CTNNA3: variants seen among roughly 807,000 people sequenced by gnomAD.
CTNNA3 encodes catenin alpha 3.
Under a neutral mutation model 95.7 loss-of-function variants are expected in CTNNA3, and 76 were observed. The ratio of observed to expected loss-of-function variants is 0.79; its 90% CI spans 0.66 to 0.96. The LOEUF is 0.96. Among genes scored for constraint, CTNNA3 ranks in the 40% least tolerant of loss-of-function variants. The probability of loss-of-function intolerance (pLI) is 0.00; values close to 1 mark genes in which losing one functional copy is unlikely to be tolerated. For missense variants in CTNNA3, 1,191 were observed against 1,089.8 expected (o/e 1.09, Z -1.31); for synonymous variants, 431 against 374.4 (o/e 1.15, Z -1.74).
At chr10:67,297,411 T>C (rs1212663698) in intron 5 of CTNNA3, among the ~76,000 whole-genome samples, 1 of 152,222 alleles carries the variant, frequency 6.6e-6, no homozygotes, top group Non-Finnish European at 1.5e-5. Flanking sequence ...AATTAACAAC[T>C]AGATGTAGTG....
intron 5 of CTNNA3, among the ~76,000 whole-genome samples, chr10:67,272,649 T>C (rs1839030317): frequency 6.6e-6 from 1 of 152,190 alleles, no homozygotes; most frequent in South Asian, 2.1e-4. Flanking sequence ...CAAACCATTT[T>C]AGCAGAAGAG....
At chr10:66,898,156 T>C (rs887333135) in intron 7 of CTNNA3, among the ~76,000 whole-genome samples, 1 of 152,314 alleles carries the variant, frequency 6.6e-6, no homozygotes. Flanking sequence ...TATGCAGTCA[T>C]AATGACATTT....
intron 7 of CTNNA3, among the ~76,000 whole-genome samples, chr10:66,952,456 C>T (rs550955824): frequency 1.7e-4 from 26 of 152,182 alleles, no homozygotes; most frequent in African/African-American, 5.8e-4. Flanking sequence ...GCCTTGGAGA[C>T]GATTCAGGGT....
intron 11 of CTNNA3, among the ~76,000 whole-genome samples, chr10:66,413,690 A>G (rs559652275): frequency 1.3e-5 from 2 of 152,328 alleles, no homozygotes; most frequent in East Asian, 1.9e-4. Flanking sequence ...GAGTCTTAAT[A>G]TTTCCTTAGA....
chr10:66,919,229 G>A (rs948863859), intron 7 of CTNNA3, among the ~76,000 whole-genome samples: 4 of 151,596 alleles, frequency 2.6e-5, no homozygotes, highest in African/African-American at 9.7e-5. Flanking sequence ...GAAGAGGTGT[G>A]AGTATCGACG....
In CTNNA3 at chr10:67,667,279, T is replaced by C. The variant is rs139946270; in HGVS notation, c.-5-19761A>G. 1.8e-3 allele frequency among the ~76,000 whole-genome samples: 278 copies of C among 152,224 alleles called. 4 individuals are homozygous for C. Among genetic ancestry groups the C allele is most frequent in the Admixed American group, 0.016 (248 of 15,292 alleles). On this transcript the variant is annotated intron_variant, in intron 1 of 17. Transcript: ENST00000433211. ...TTTATTTCACAACTTAACACTCACTTAGTGTGGAAAGACATGGACAGCAAT... is the reference window on the plus strand; with the variant it reads ...TTTATTTCACAACTTAACACTCACTCAGTGTGGAAAGACATGGACAGCAAT...
chr10:67,697,473 T>C (rs1840988532), upstream of CTNNA3, among the ~76,000 whole-genome samples: 2 of 152,218 alleles, frequency 1.3e-5, no homozygotes, highest in South Asian at 2.1e-4. Context: ...AATTCTATCA[T>C]AAGCCTAGCT....
chr10:66,906,578 A>T (rs1845994969), intron 7 of CTNNA3, among the ~76,000 whole-genome samples: 1 of 152,098 alleles, frequency 6.6e-6, no homozygotes, highest in South Asian at 2.1e-4. Flanking sequence ...GACTTATATT[A>T]ATCTACAATT....
chr10:67,158,783 G>A lies in CTNNA3; in HGVS notation c.1047+21534C>T, dbSNP rs552188016. On this transcript the variant is annotated intron_variant, in intron 7 of 17. Transcript: ENST00000433211. ...GATAAAAAGCTTCATCGCTATCTTAGTTCACCAAAATGCTTCAGCACAAGT... is the reference window on the plus strand; with the variant it reads ...GATAAAAAGCTTCATCGCTATCTTAATTCACCAAAATGCTTCAGCACAAGT... 2.6e-5 allele frequency among the ~76,000 whole-genome samples: 4 copies of A among 151,608 alleles called. No homozygotes were observed. The East Asian group carries it at 7.8e-4, about 29-fold the overall frequency.
intron 7 of CTNNA3, among the ~76,000 whole-genome samples, chr10:67,121,550 C>T (rs1589762373): frequency 6.6e-6 from 1 of 152,002 alleles, no homozygotes; most frequent in Non-Finnish European, 1.5e-5. Context: ...GCAAGATAAA[C>T]TACTTTAGTT....
At chr10:67,128,630 T>G (rs2132012606) in intron 7 of CTNNA3, among the ~76,000 whole-genome samples, 1 of 152,266 alleles carries the variant, frequency 6.6e-6, no homozygotes, top group South Asian at 2.1e-4. Flanking sequence ...CAAGTTTAAT[T>G]TTTCCAATTT....
At chr10:67,646,418 C>T (rs752263522) in intron 2 of CTNNA3, among the ~76,000 whole-genome samples, 6 of 151,630 alleles carry the variant, frequency 4.0e-5, no homozygotes, top group Non-Finnish European at 5.9e-5. Context: ...ATATTAGTGC[C>T]GTTAAGACTG....
At chr10:67,262,952 T>C (rs1016296317) in intron 5 of CTNNA3, among the ~76,000 whole-genome samples, 1 of 152,116 alleles carries the variant, frequency 6.6e-6, no homozygotes, top group Non-Finnish European at 1.5e-5. Context: ...AGAAAATATT[T>C]AAAAAGGAAG....
intron 7 of CTNNA3, among the ~76,000 whole-genome samples, chr10:66,972,969 A>G (rs1849812937): frequency 6.6e-6 from 1 of 152,154 alleles, no homozygotes; most frequent in South Asian, 2.1e-4. Context: ...AGAGAGAAAT[A>G]ACATTTCAGA....
At chr10:67,738,949 A>G (rs961438341) in intron 1 of CTNNA3, among the ~76,000 whole-genome samples, 3 of 152,224 alleles carry the variant, frequency 2.0e-5, no homozygotes, top group Non-Finnish European at 4.4e-5. Flanking sequence ...ATGTGAAAAG[A>G]CCAAATCTAT....
chr10:67,367,543 C>T (rs1035605964), intron 5 of CTNNA3, among the ~76,000 whole-genome samples: 3 of 152,174 alleles, frequency 2.0e-5, no homozygotes, highest in South Asian at 2.1e-4. Flanking sequence ...AATTACCATG[C>T]GAACAGCAAT....
intron 9 of CTNNA3, among the ~76,000 whole-genome samples, chr10:66,748,798 T>C (rs1286678324): frequency 6.6e-6 from 1 of 152,122 alleles, no homozygotes; most frequent in Non-Finnish European, 1.5e-5. Flanking sequence ...TCTGTCTATA[T>C]CCTGCACCAC....
intron 7 of CTNNA3, among the ~76,000 whole-genome samples, chr10:66,812,347 T>C (rs1016887280): frequency 2.6e-5 from 4 of 152,158 alleles, no homozygotes; most frequent in African/African-American, 7.2e-5. Context: ...ATAGTGCTCA[T>C]AGAAATCTGG....
chr10:66,687,048 C>T (rs926001892), intron 9 of CTNNA3, among the ~76,000 whole-genome samples: 1 of 151,946 alleles, frequency 6.6e-6, no homozygotes, highest in Non-Finnish European at 1.5e-5. Context: ...ATACTTTATA[C>T]TTAATAGGTT....
Sources: gnomAD v4.1 joint callset for allele counts (sites outside exome capture counted in the v4.1 genomes callset) on GRCh38, gnomAD v4.1.1 for gene constraint, MANE v1.5 for transcripts, NCBI Gene and HGNC (gene_info 2026-07-23, HGNC 2026-07-21) for gene names.